Variants in R3HCC1 observed in about 807,000 individuals in gnomAD.
R3HCC1 encodes R3H domain and coiled-coil containing 1.
Under a neutral mutation model 40.0 loss-of-function variants are expected in R3HCC1, and 32 were observed. The ratio of observed to expected loss-of-function variants is 0.80; its 90% CI spans 0.60 to 1.07. R3HCC1 has a LOEUF of 1.07. Among genes scored for constraint, R3HCC1 ranks in the 50% least tolerant of loss-of-function variants. The probability of loss-of-function intolerance (pLI) is 0.00; values close to 1 mark genes in which losing one functional copy is unlikely to be tolerated. For missense variants in R3HCC1, 586 were observed against 563.3 expected (o/e 1.04, Z -0.41); for synonymous variants, 237 against 232.8 (o/e 1.02, Z -0.17).
chr8:23,293,833 A>G (rs1174243133), intron 6 of R3HCC1, among the ~76,000 whole-genome samples: 1 of 152,148 alleles, frequency 6.6e-6, no homozygotes, highest in East Asian at 1.9e-4. Flanking sequence ...TAAGGGTCCC[A>G]GAGTGTCAGG....
At chr8:23,289,513 G>A (rs1017332245) in intron 3 of R3HCC1, among the ~76,000 whole-genome samples, 1 of 152,142 alleles carries the variant, frequency 6.6e-6, no homozygotes, top group African/African-American at 2.4e-5. Flanking sequence ...TCCCATGTGC[G>A]TCTCAGTGAG....
At chr8:23,290,511 GGT>G (rs1335653196) in intron 4 of R3HCC1, 42 bp downstream of exon 4, 11 of 1,517,570 alleles carry the variant, frequency 7.2e-6, no homozygotes, top group Non-Finnish European at 8.8e-6. Flanking sequence ...GCGGAGGTGA[GGT>G]GGGTGTGGCC....
Position 23,293,273 on chromosome 8 carries a change from G to C in R3HCC1, c.1026-30G>C, listed in dbSNP as rs1802909893. ...GAGGAGTTTGACTGCTTGCTTTCCT[G>C]AATGTGCTGTCTCCTCTCTCGCCGC... On this transcript the variant is annotated intron_variant, in intron 5 of 7. Transcript: ENST00000265806. The C allele has an allele frequency of 1.9e-6, 3 of 1,540,434 alleles. No individual in the cohort carries two copies. The East Asian group carries it at 7.4e-5, about 38-fold the overall frequency.
At chr8:23,291,556 C>T (rs1233384281) in intron 5 of R3HCC1, 23 bp downstream of exon 5, 2 of 1,549,266 alleles carry the variant, frequency 1.3e-6, no homozygotes, top group South Asian at 2.4e-5. Context: ...TGGGGAGGTG[C>T]TGCCTTCAGA....
At chr8:23,288,187 G>T (rs1377669448) in intron 1 of R3HCC1, 30 bp downstream of exon 1, 3 of 1,202,748 alleles carry the variant, frequency 2.5e-6, no homozygotes, top group Non-Finnish European at 3.1e-6. Flanking sequence ...GGGGGTGGTC[G>T]TCCCGACCCC....
intron 6 of R3HCC1, 71 bp downstream of exon 6, chr8:23,293,444 G>A (rs1802916549): frequency 1.6e-6 from 2 of 1,232,380 alleles, no homozygotes; most frequent in Non-Finnish European, 2.3e-6. Context: ...GGTTCCCTGG[G>A]TAGAGGCCAC....
Position 23,290,153 on chromosome 8 carries a change from A to T in R3HCC1, c.536A>T (p.Asn179Ile), listed in dbSNP as rs7001720. The T allele has an allele frequency of 7.1e-6, 11 of 1,551,374 alleles. No individual in the cohort carries two copies. The African/African-American group carries it at 1.2e-4, about 17-fold the overall frequency. The change falls in exon 4 of 8, where the codon AAC becomes ATC. Residue 179 changes from asparagine (N) to isoleucine (I), a missense_variant. Coordinates refer to ENST00000265806, the MANE Select transcript of R3HCC1 (RefSeq NM_001136108.3). ...GGAGATGTTGGTGCTGGAGACCCCA[A>T]CTCTGATCAGGGACTCCCTGTGCTG...
Position 23,288,133 on chromosome 8 carries a change from G to T in R3HCC1, c.-43G>T, listed in dbSNP as rs1301437653. The T allele has an allele frequency of 8.0e-6, 10 of 1,253,638 alleles. No individual in the cohort carries two copies. The highest frequency in any genetic ancestry group is 5.5e-5 in the Admixed American group (2 of 36,494). The allele number at this position is 1,253,638 out of a possible 1,614,324, so 77.7% of individuals were successfully genotyped here. ...GCTGGCCCCTGGGGACGCCGAGGGC[G>T]GCTGCGACGCGCCGAGAGGCCGCGG... On this transcript the variant is annotated 5_prime_UTR_variant, in exon 1 of 8. Transcript: ENST00000265806.
intron 4 of R3HCC1, 105 bp from the exon 5 acceptor site, chr8:23,291,256 T>C (rs1802859907): frequency 1.4e-6 from 2 of 1,437,696 alleles, no homozygotes; most frequent in African/African-American, 1.4e-5. Flanking sequence ...CCCAGACTTT[T>C]GCCAGGTGGG....
intron 7 of R3HCC1, 60 bp from the exon 8 acceptor site, chr8:23,295,907 C>G (rs1803002861): frequency 1.3e-6 from 2 of 1,496,754 alleles, no homozygotes; most frequent in South Asian, 2.6e-5. Flanking sequence ...TGCTGTGTTG[C>G]TGGGGGAGAG....
chr8:23,295,578 A>C (rs1264864461), intron 7 of R3HCC1: 1 of 464,716 alleles, frequency 2.2e-6, no homozygotes, highest in Non-Finnish European at 4.2e-6. Flanking sequence ...TTACGTAGCC[A>C]ACATGGTCCA....
intron 2 of R3HCC1, 105 bp from the exon 3 acceptor site, chr8:23,288,911 G>T: frequency 7.7e-7 from 1 of 1,297,840 alleles, no homozygotes; most frequent in Non-Finnish European, 1.1e-6. Context: ...GGGACCCAGA[G>T]GGGCAGAAGG....
Position 23,294,874 on chromosome 8 carries a change from G to A in R3HCC1, c.1192+10G>A. 6.5e-7 allele frequency: 1 copy of A among 1,542,442 alleles called. No homozygotes were observed. Among genetic ancestry groups the A allele is most frequent in the Non-Finnish European group, 8.8e-7 (1 of 1,138,918 alleles). On this transcript the variant is annotated intron_variant, in intron 7 of 7. Transcript: ENST00000265806. ...GCCTTGCAGAGGCCAAGTAAGGAAA[G>A]CGCATGTCCCTGAATAGGGAGGCTG...
At chr8:23,292,806 C>T (rs1032237655) in intron 5 of R3HCC1, among the ~76,000 whole-genome samples, 2 of 152,174 alleles carry the variant, frequency 1.3e-5, no homozygotes, top group Non-Finnish European at 2.9e-5. Flanking sequence ...CCTTTCTCTG[C>T]CCGGGTGGGG....
chr8:23,289,274 T>A (rs1802808061), intron 3 of R3HCC1, 121 bp downstream of exon 3: 2 of 1,109,570 alleles, frequency 1.8e-6, no homozygotes, highest in Non-Finnish European at 2.5e-6. Context: ...GCTGCTGCCA[T>A]TCCTAGCTGC....
chr8:23,289,009 T>TCC lies in R3HCC1; in HGVS notation c.111-4_111-3dup. ...CCTGCTCAGCACTTCTTCCCCTCCCTCCCCAGGGTTCTTCTTTTCCCCCCA... is the reference window on the plus strand; with the variant it reads ...CCTGCTCAGCACTTCTTCCCCTCCCTCCCCCCAGGGTTCTTCTTTTCCCCCCA... On this transcript the variant is annotated splice_region_variant and splice_polypyrimidine_tract_variant and intron_variant, in intron 2 of 7. Coordinates refer to ENST00000265806, the MANE Select transcript of R3HCC1 (RefSeq NM_001136108.3). The TCC allele has an allele frequency of 6.5e-7, 1 of 1,536,372 alleles. No individual in the cohort carries two copies. The highest frequency in any genetic ancestry group is 2.0e-5 in the Admixed American group (1 of 50,998).
chr8:23,291,701 C>T (rs13273587), intron 5 of R3HCC1, among the ~76,000 whole-genome samples, 168 bp downstream of exon 5: 5,003 of 152,328 alleles, frequency 0.033, 130 homozygotes, highest in Non-Finnish European at 0.053. Flanking sequence ...CCCTGCCGGC[C>T]GTCCCTCGGG....
chr8:23,292,618 A>G (rs1266645505), intron 5 of R3HCC1, among the ~76,000 whole-genome samples: 2 of 142,636 alleles, frequency 1.4e-5, no homozygotes, highest in African/African-American at 4.9e-5. Context: ...CCTCTCAAAA[A>G]AAATAAAAAT....
chr8:23,288,260 A>C, intron 1 of R3HCC1, 103 bp downstream of exon 1: 13 of 1,142,198 alleles, frequency 1.1e-5, no homozygotes, highest in East Asian at 8.1e-5. Context: ...AGCCCCGGGA[A>C]GGAGCGCAGC....
Sources: gnomAD v4.1 joint callset for allele counts (sites outside exome capture counted in the v4.1 genomes callset) on GRCh38, gnomAD v4.1.1 for gene constraint, MANE v1.5 for transcripts, NCBI Gene and HGNC (gene_info 2026-07-23, HGNC 2026-07-21) for gene names.